TCF12: variants seen among roughly 807,000 people sequenced by gnomAD.
TCF12 encodes the protein DNA-binding protein HTF4.
A neutral mutation model predicts 86.0 loss-of-function variants in TCF12; 45 were observed. The ratio of observed to expected loss-of-function variants is 0.52; its 90% CI spans 0.41 to 0.67. TCF12 has a LOEUF of 0.67. TCF12 is among the 30% of genes least tolerant of loss of function. TCF12 has a pLI of 0.00. For missense variants in TCF12, 881 were observed against 859.9 expected, an observed-to-expected ratio of 1.02 and a Z score of -0.31; for synonymous variants, 330 against 299.6, an observed-to-expected ratio of 1.10 and a Z score of -1.05.
At chr15:57,031,247 A>G (rs1467811060) in intron 3 of TCF12, among the ~76,000 whole-genome samples, 1 of 152,134 alleles carries the variant, frequency 6.6e-6, no homozygotes, top group Non-Finnish European at 1.5e-5. Flanking sequence ...AGTGATTGCT[A>G]AGGGCTAGAT....
At chr15:57,055,261 G>C (rs1435878179) in intron 3 of TCF12, among the ~76,000 whole-genome samples, 1 of 152,134 alleles carries the variant, frequency 6.6e-6, no homozygotes, top group Non-Finnish European at 1.5e-5. Context: ...AATTAGCCGA[G>C]TGTGGTGGCG....
chr15:56,971,469 C>T (rs993840617), intron 3 of TCF12, among the ~76,000 whole-genome samples: 3 of 151,910 alleles, frequency 2.0e-5, no homozygotes, highest in Non-Finnish European at 4.4e-5. Flanking sequence ...CAGCAAGACA[C>T]CCAACAGAAA....
At chr15:56,929,248 T>C (rs2060143284) in intron 3 of TCF12, among the ~76,000 whole-genome samples, 1 of 152,142 alleles carries the variant, frequency 6.6e-6, no homozygotes, top group Non-Finnish European at 1.5e-5. Flanking sequence ...TTTAGCTGTA[T>C]TTTTTCATGC....
chr15:57,259,661 GT>G (rs1377594565), intron 16 of TCF12, among the ~76,000 whole-genome samples: 2 of 152,318 alleles, frequency 1.3e-5, no homozygotes, highest in South Asian at 2.1e-4. Flanking sequence ...TCATTGAAAC[GT>G]GGAGGGTAGC....
In TCF12 at chr15:57,144,270, C is replaced by T. The variant is rs532278586; in HGVS notation, c.326-22132C>T. On this transcript the variant is annotated intron_variant, in intron 5 of 20. Coordinates refer to ENST00000333725, the MANE Select transcript of TCF12 (RefSeq NM_207037.2). ...ATGGGCAGAAAGAAAGGGATAGATA[C>T]GAGGCACATTCTAAGGATTATCTTT... 3.2e-4 allele frequency among the ~76,000 whole-genome samples: 49 copies of T among 152,176 alleles called. 1 individual carries two copies. Among genetic ancestry groups the T allele is most frequent in the African/African-American group, 9.6e-4 (40 of 41,512 alleles).
At chr15:56,927,006 A>T (rs2060044138) in intron 3 of TCF12, among the ~76,000 whole-genome samples, 1 of 152,108 alleles carries the variant, frequency 6.6e-6, no homozygotes, top group Admixed American at 6.6e-5. Flanking sequence ...GTGAAGGGTT[A>T]GATTTGGTGT....
intron 4 of TCF12, among the ~76,000 whole-genome samples, chr15:57,080,743 G>A (rs1403362791): frequency 1.3e-5 from 2 of 152,308 alleles, no homozygotes; most frequent in South Asian, 2.1e-4. Context: ...TTAGAATGGA[G>A]TTACATAGCC....
chr15:57,219,128 G>A (rs986199029), intron 8 of TCF12: 2 of 1,063,922 alleles, frequency 1.9e-6, no homozygotes, highest in Non-Finnish European at 2.3e-6. Flanking sequence ...ACTAAAAACA[G>A]ATTAGCAGAA....
chr15:57,272,208 G>A (rs1343128736), intron 18 of TCF12, among the ~76,000 whole-genome samples: 1 of 152,126 alleles, frequency 6.6e-6, no homozygotes, highest in African/African-American at 2.4e-5. Flanking sequence ...TGTTGCTAAT[G>A]TAAATAATTC....
intron 4 of TCF12, among the ~76,000 whole-genome samples, chr15:57,091,411 T>G (rs1462029456): frequency 6.6e-6 from 1 of 152,206 alleles, no homozygotes; most frequent in East Asian, 1.9e-4. Flanking sequence ...TTAATTTATT[T>G]TAAAAAATCC....
intron 5 of TCF12, among the ~76,000 whole-genome samples, chr15:57,157,569 T>C (rs72731960): frequency 0.18 from 26,461 of 149,578 alleles, 2,758 homozygotes; most frequent in Non-Finnish European, 0.23. Flanking sequence ...TTTTTTTTTT[T>C]CCTTTTTTGA....
chr15:57,263,129 T>C lies in TCF12; in HGVS notation c.1600T>C (p.Ser534Pro). 1 of 1,608,842 alleles carries C rather than the reference T, an allele frequency of 6.2e-7. No homozygotes were observed. The highest frequency in any genetic ancestry group is 8.5e-7 in the Non-Finnish European group (1 of 1,178,840). ...ENYRGGLQSQ[S>P]GTVVTTEIKT... The stretch of plus-strand genomic sequence containing the variant: ...TTTGTTAGGTGGCTTGCAAAGTCAG[T>C]CTGGAACTGTTGTTACAACAGAAAT... The change falls in exon 18 of 21, where the codon TCT becomes CCT. Residue 534 changes from serine to proline, a missense_variant. Around this residue, in one of 3 missense-constraint regions of TCF12, gnomAD observed 766 missense variants for 718.9 expected, o/e 1.07. Coordinates refer to ENST00000333725, the MANE Select transcript of TCF12 (RefSeq NM_207037.2).
intron 3 of TCF12, among the ~76,000 whole-genome samples, chr15:57,024,959 G>A (rs2065732574): frequency 6.6e-6 from 1 of 152,126 alleles, no homozygotes; most frequent in Non-Finnish European, 1.5e-5. Context: ...GTAATATCTG[G>A]CTTATTCATT....
At chr15:57,250,874 C>T (rs1447154687) in intron 13 of TCF12, among the ~76,000 whole-genome samples, 9 of 138,904 alleles carry the variant, frequency 6.5e-5, no homozygotes, top group Middle Eastern at 3.4e-3. Flanking sequence ...CCAGCCTGGG[C>T]GACAGTGAGA....
Position 57,024,216 on chromosome 15 carries a change from C to CTTTT in TCF12, c.149-39513_149-39510dup, listed in dbSNP as rs59793819. ...TGAGGACCCATACTCAAAAAAGTGT[C>CTTTT]TTTTTTTTTTTTTTTTTTTTTTTTG... On this transcript the variant is annotated intron_variant, in intron 3 of 20. Transcript: ENST00000333725. Among the ~76,000 whole-genome samples, 173 of 111,246 alleles carry CTTTT rather than the reference C, an allele frequency of 1.6e-3. 1 individual carries two copies. The highest frequency in any genetic ancestry group is 4.0e-3 in the African/African-American group (127 of 31,976). 73.0% of individuals were successfully genotyped at this position (111,246 alleles called of 152,430 possible).
intron 16 of TCF12, among the ~76,000 whole-genome samples, chr15:57,261,412 G>A (rs2060579774): frequency 3.3e-5 from 5 of 152,010 alleles, no homozygotes; most frequent in Admixed American, 3.3e-4. Flanking sequence ...ATTCCTCTTA[G>A]GGTAAAATCA....
intron 3 of TCF12, among the ~76,000 whole-genome samples, chr15:56,979,087 T>C (rs1481946023): frequency 6.6e-6 from 1 of 152,164 alleles, no homozygotes. Context: ...TGGCCGACAT[T>C]TTGCTTAGGT....
chr15:57,166,663 A>T (rs1207224232), intron 6 of TCF12, among the ~76,000 whole-genome samples, 197 bp downstream of exon 6: 1 of 152,176 alleles, frequency 6.6e-6, no homozygotes, highest in African/African-American at 2.4e-5. Context: ...ATCATCAAAG[A>T]TTTTCATAAC....
chr15:57,111,024 G>C (rs1204432947), intron 5 of TCF12, among the ~76,000 whole-genome samples: 1 of 152,170 alleles, frequency 6.6e-6, no homozygotes, highest in African/African-American at 2.4e-5. Flanking sequence ...TGTCTCAGAT[G>C]CATTGTGCCT....
Sources: gnomAD v4.1 joint callset for allele counts (sites outside exome capture counted in the v4.1 genomes callset) on GRCh38, gnomAD v4.1.1 for gene constraint, gnomAD v4.1.1 regional missense constraint, MANE v1.5 for transcripts, NCBI Gene and HGNC (gene_info 2026-07-23, HGNC 2026-07-21) for gene names.